The following NBEA variants were observed in gnomAD, a reference collection of about 807,000 sequenced individuals.
NBEA encodes the protein lysosomal-trafficking regulator 2.
Under a neutral mutation model 343.4 loss-of-function variants are expected in NBEA, and 44 were observed. The observed-to-expected ratio is 0.13, with a 90% CI of 0.10 to 0.16. The LOEUF (loss-of-function observed/expected upper bound fraction) is 0.16. Among genes scored for constraint, NBEA ranks in the 10% least tolerant of loss-of-function variants. The pLI, the probability that NBEA is intolerant of heterozygous loss-of-function variation, is 1.00. For missense variants in NBEA, 2,555 were observed against 3,631.3 expected (o/e 0.70, Z 7.62); for synonymous variants, 1,175 against 1,238.7 (o/e 0.95, Z 1.08).
At chr13:35,166,414 C>A (rs1353221005) in intron 24 of NBEA, among the ~76,000 whole-genome samples, 1 of 152,000 alleles carries the variant, frequency 6.6e-6, no homozygotes, top group Non-Finnish European at 1.5e-5. Context: ...AGGTTGGCTT[C>A]CAAAATTATT....
At chr13:35,150,338 C>T (rs1390539284) in intron 18 of NBEA, among the ~76,000 whole-genome samples, 1 of 152,074 alleles carries the variant, frequency 6.6e-6, no homozygotes, top group South Asian at 2.1e-4. Context: ...AAAGAGTCTT[C>T]AACATAAGCT....
In NBEA at chr13:34,990,140, C is replaced by CCCT. The variant is rs1189315630; in HGVS notation, c.294+47026_294+47027insCCT. Among the ~76,000 whole-genome samples, 3 of 151,036 alleles carry CCCT rather than the reference C, an allele frequency of 2.0e-5. No individual in the cohort carries two copies. The East Asian group carries it at 5.8e-4, about 29-fold the overall frequency. On this transcript the variant is annotated intron_variant, in intron 1 of 58. Coordinates refer to ENST00000379939, the MANE Select transcript of NBEA (RefSeq NM_001385012.1). Reference sequence around the variant, plus strand: ...TGAATGCCTGTGGCTTTTCTAGGCACATGGTGCAAGCCGTCAGTGGGTCTA... The same window carrying CCCT: ...TGAATGCCTGTGGCTTTTCTAGGCACCCTATGGTGCAAGCCGTCAGTGGGTCTA...
chr13:35,147,675 A>C (rs1367354951), intron 18 of NBEA, among the ~76,000 whole-genome samples: 1 of 152,114 alleles, frequency 6.6e-6, no homozygotes, highest in Non-Finnish European at 1.5e-5. Context: ...AGGTGAGGGA[A>C]GGCTCTGGAT....
rs375090464 is a variant in NBEA at position 35,124,497 on chromosome 13, T to TACAC, written c.2336+942_2336+945dup. ...AGAAAAGGATATATATGTGTGTGTA[T>TACAC]ACACACACACACACACACACACGGA... On this transcript the variant is annotated intron_variant, in intron 17 of 58. Transcript: ENST00000379939. Among the ~76,000 whole-genome samples, 288 of 146,170 alleles carry TACAC rather than the reference T, an allele frequency of 2.0e-3. 1 individual carries two copies. The highest frequency in any genetic ancestry group is 7.1e-3 in the South Asian group (33 of 4,676).
In NBEA at chr13:34,981,950, C is replaced by G. The variant is rs549042013; in HGVS notation, c.294+38836C>G. 2.9e-3 allele frequency among the ~76,000 whole-genome samples: 435 copies of G among 150,900 alleles called. 2 individuals carry two copies. The highest frequency in any genetic ancestry group is 1.0e-2 in the African/African-American group (411 of 41,236). The stretch of plus-strand genomic sequence containing the variant: ...TCCAGATATTGATAATTTATGTTCT[C>G]TCTTCTCTCTCTCTCTCTCTCTGTC... On this transcript the variant is annotated intron_variant, in intron 1 of 58. Transcript: ENST00000379939.
At chr13:35,165,096 T>C (rs2069888960) in intron 24 of NBEA, 1 of 534,022 alleles carries the variant, frequency 1.9e-6, no homozygotes, top group Admixed American at 1.9e-5. Context: ...TTACCCACGT[T>C]CTTGTTGCCG....
chr13:35,045,991 T>A (rs974023558), intron 4 of NBEA, among the ~76,000 whole-genome samples: 2 of 152,184 alleles, frequency 1.3e-5, no homozygotes, highest in Admixed American at 1.3e-4. Context: ...CCCAAAGTGC[T>A]GGGGTTACAG....
rs879867531 is a variant in NBEA at position 34,987,864 on chromosome 13, A to G, written c.294+44750A>G. On this transcript the variant is annotated intron_variant, in intron 1 of 58. Coordinates refer to ENST00000379939, the MANE Select transcript of NBEA (RefSeq NM_001385012.1). ...TCCATCAGGTCATTTAAATTCTTCT[A>G]TGCACTGTTTATTCTAGTTAGCCAT... 4.0e-5 allele frequency among the ~76,000 whole-genome samples: 6 copies of G among 150,890 alleles called. 1 individual carries two copies. The highest frequency in any genetic ancestry group is 9.7e-5 in the African/African-American group (4 of 41,330).
intron 36 of NBEA, among the ~76,000 whole-genome samples, chr13:35,340,320 T>G (rs1225874550): frequency 6.6e-6 from 1 of 151,986 alleles, no homozygotes; most frequent in Non-Finnish European, 1.5e-5. Context: ...TCTAACACAT[T>G]CTACAACATG....
intron 15 of NBEA, 41 bp from the exon 16 acceptor site, chr13:35,118,336 T>C (rs748898511): frequency 6.4e-7 from 1 of 1,573,600 alleles, no homozygotes; most frequent in Admixed American, 1.8e-5. Context: ...TAAGCCAATC[T>C]TTAGAGTAAA....
At chr13:35,256,930 C>T (rs1384378297) in intron 34 of NBEA, among the ~76,000 whole-genome samples, 2 of 152,186 alleles carry the variant, frequency 1.3e-5, no homozygotes, top group African/African-American at 2.4e-5. Flanking sequence ...CAGTTGCACC[C>T]GGGAGCCTGG....
At chr13:35,084,251 AC>A (rs1215182216) in intron 10 of NBEA, among the ~76,000 whole-genome samples, 1 of 152,086 alleles carries the variant, frequency 6.6e-6, no homozygotes, top group African/African-American at 2.4e-5. Context: ...AGAACTCTCC[AC>A]CCCAGATCAG....
chr13:35,426,658 C>T lies in NBEA; in HGVS notation c.6180-5611C>T, dbSNP rs562817018. On this transcript the variant is annotated intron_variant, in intron 38 of 58. Transcript: ENST00000379939. ...CTCTTCTCGAGGAGTATCTTTGTGG[C>T]GGTCTCTGTATTTCCTGAATTTGAA... is the stretch of plus-strand genomic sequence containing the variant. 1.2e-4 allele frequency among the ~76,000 whole-genome samples: 18 copies of T among 152,142 alleles called. No homozygotes were observed. The East Asian group carries it at 3.1e-3, about 26-fold the overall frequency.
intron 41 of NBEA, among the ~76,000 whole-genome samples, chr13:35,481,420 C>CAGA (rs1176504797): frequency 1.3e-5 from 2 of 151,066 alleles, no homozygotes; most frequent in African/African-American, 4.9e-5. Context: ...CATATGTACA[C>CAGA]AGAGGTACAG....
At position 35,330,047 on chromosome 13, in the gene NBEA, C is replaced by T. The variant is rs113261465; in HGVS notation, c.5904-19061C>T. Among the ~76,000 whole-genome samples, 819 of 152,098 alleles carry T rather than the reference C, an allele frequency of 5.4e-3. 5 individuals are homozygous for T. Among genetic ancestry groups the T allele is most frequent in the African/African-American group, 0.019 (791 of 41,536 alleles). ...GTAGATGAATGCCTAACTCTGTACC[C>T]CTTGTCTTTACTTACTCTCTGGAAA... On this transcript the variant is annotated intron_variant, in intron 36 of 58. Coordinates refer to ENST00000379939, the MANE Select transcript of NBEA (RefSeq NM_001385012.1).
At chr13:35,211,000 AT>A (rs1455903316) in intron 32 of NBEA, 52 bp from the exon 33 acceptor site, 3 of 1,516,652 alleles carry the variant, frequency 2.0e-6, no homozygotes, top group Non-Finnish European at 2.7e-6. Context: ...TGTAATTAAA[AT>A]TTTTTTAAAT....
intron 43 of NBEA, among the ~76,000 whole-genome samples, chr13:35,552,013 A>G (rs1037350959): frequency 4.6e-5 from 7 of 152,202 alleles, no homozygotes; most frequent in Non-Finnish European, 8.8e-5. Context: ...ATGGAAAAAG[A>G]TACCTCTGAT....
chr13:35,014,142 A>C (rs1487131175), intron 1 of NBEA, among the ~76,000 whole-genome samples: 2 of 135,736 alleles, frequency 1.5e-5, no homozygotes, highest in East Asian at 4.3e-4. Context: ...ATTAGCAAAA[A>C]AACTTTTTTT....
At chr13:35,379,189 A>G (rs888817900) in intron 38 of NBEA, among the ~76,000 whole-genome samples, 8 of 152,054 alleles carry the variant, frequency 5.3e-5, no homozygotes, top group South Asian at 4.1e-4. Flanking sequence ...CAGTTTTCCA[A>G]AGTATTCAGT....
Sources: allele counts gnomAD v4.1 joint callset (sites outside exome capture counted in the v4.1 genomes callset), GRCh38; gene constraint gnomAD v4.1.1; transcripts MANE v1.5; gene names NCBI Gene and HGNC (gene_info 2026-07-23, HGNC 2026-07-21).